Variants in MIA2 observed in about 807,000 individuals in gnomAD.
MIA2 encodes melanoma inhibitory activity protein 2.
A neutral mutation model predicts 167.8 loss-of-function variants in MIA2; 127 were observed. The ratio of observed to expected loss-of-function variants is 0.76; its 90% CI spans 0.66 to 0.88. The LOEUF (loss-of-function observed/expected upper bound fraction) is 0.88, where lower values mean the gene tolerates loss of function less well. Ranked by LOEUF, MIA2 falls within the 40% of genes least tolerant of loss-of-function variation. The pLI, the probability that MIA2 is intolerant of heterozygous loss-of-function variation, is 0.00. For missense variants in MIA2, 1,690 were observed against 1,624.7 expected (o/e 1.04, Z -0.69); for synonymous variants, 552 against 541.9 (o/e 1.02, Z -0.26).
At chr14:39,367,153 C>G (rs2074838899) in intron 23 of MIA2, among the ~76,000 whole-genome samples, 1 of 152,168 alleles carries the variant, frequency 6.6e-6, no homozygotes. Flanking sequence ...CTCCCTTTGT[C>G]CTGGGGGCAG....
intron 2 of MIA2, 60 bp from the exon 3 acceptor site, chr14:39,240,501 C>T: frequency 7.5e-7 from 1 of 1,335,452 alleles, no homozygotes; most frequent in Non-Finnish European, 1.1e-6. Flanking sequence ...AAATTAGGTT[C>T]AATAATTATT....
Position 39,335,914 on chromosome 14 carries a change from T to C in MIA2, c.3655+8892T>C, listed in dbSNP as rs1595767684. On this transcript the variant is annotated intron_variant, in intron 25 of 28. Transcript: ENST00000640607. ...GGATAATGGCTTCCAGCTGCATCCA[T>C]GTTGTTGCAAAGGACATAATTTTAT... Among the ~76,000 whole-genome samples the C allele has an allele frequency of 2.6e-5, 4 of 152,222 alleles. No homozygotes were observed. In the South Asian group the frequency reaches 8.3e-4, roughly 31 times the overall value.
chr14:39,370,632 C>G (rs1045998562), intron 23 of MIA2: 21 of 327,466 alleles, frequency 6.4e-5, no homozygotes, highest in African/African-American at 4.6e-4. Context: ...TCACCAGCGC[C>G]TCTCTGCTGC....
chr14:39,330,254 A>G (rs752214641), intron 25 of MIA2, among the ~76,000 whole-genome samples: 3 of 152,236 alleles, frequency 2.0e-5, no homozygotes, highest in Admixed American at 1.3e-4. Flanking sequence ...GTTTGTTCAC[A>G]TGGAGTTCTT....
In MIA2 at chr14:39,234,241, T is replaced by TC. The variant is rs766706292; in HGVS notation, c.115+17dup. ...CTTGGAATGTGAAGGTAAGTTTGCT[T>TC]CCCCCGCTTCTTCTCCTCCTAAATT... On this transcript the variant is annotated intron_variant, in intron 1 of 28. Transcript: ENST00000640607. 2 of 1,537,768 alleles carry TC rather than the reference T, an allele frequency of 1.3e-6. No homozygotes were observed. Among genetic ancestry groups the TC allele is most frequent in the African/African-American group, 2.8e-5 (2 of 72,710 alleles).
At chr14:39,243,376 C>T (rs999999087) in intron 3 of MIA2, among the ~76,000 whole-genome samples, 4 of 152,144 alleles carry the variant, frequency 2.6e-5, no homozygotes, top group Admixed American at 2.6e-4. Flanking sequence ...GAGACAGTTA[C>T]TATTCTAAAC....
At chr14:39,366,597 T>G (rs1329901636) in intron 23 of MIA2, among the ~76,000 whole-genome samples, 1 of 152,064 alleles carries the variant, frequency 6.6e-6, no homozygotes, top group Non-Finnish European at 1.5e-5. Flanking sequence ...CCAGCAGTGG[T>G]GGATGGGTTG....
intron 25 of MIA2, among the ~76,000 whole-genome samples, chr14:39,329,583 T>C (rs1184634868): frequency 6.6e-6 from 1 of 152,172 alleles, no homozygotes; most frequent in Admixed American, 6.6e-5. Context: ...CAGTATGATA[T>C]TGCCTGTGAG....
In MIA2 at chr14:39,293,288, G is replaced by C. The variant is rs776959976; in HGVS notation, c.2226G>C (p.Leu742=). Residue 742 remains leucine (L), a synonymous_variant, in exon 11 of 29, where the codon CTG becomes CTC. Coordinates refer to ENST00000640607, the MANE Select transcript of MIA2 (RefSeq NM_001329214.4). ...AQSLEATCEK[L]NRSNSELEDE... The stretch of plus-strand genomic sequence containing the variant: ...TCTCTTAGGCAACCTGTGAAAAGCT[G>C]AACAGGTCCAATTCTGAACTTGAGG... 1.2e-6 allele frequency: 2 copies of C among 1,611,360 alleles called. No homozygotes were observed. Among genetic ancestry groups the C allele is most frequent in the South Asian group, 2.2e-5 (2 of 90,624 alleles).
chr14:39,241,795 A>G (rs2054051484), intron 3 of MIA2, among the ~76,000 whole-genome samples: 1 of 152,226 alleles, frequency 6.6e-6, no homozygotes, highest in South Asian at 2.1e-4. Flanking sequence ...AATAAATCCC[A>G]GACTTCTTAC....
intron 23 of MIA2, among the ~76,000 whole-genome samples, chr14:39,364,529 T>A (rs2074774199): frequency 6.6e-6 from 1 of 152,142 alleles, no homozygotes; most frequent in Non-Finnish European, 1.5e-5. Context: ...TTTATACTTT[T>A]GTATTTTCAT....
chr14:39,266,503 C>T (rs2055664604), intron 6 of MIA2: 2 of 985,426 alleles, frequency 2.0e-6, no homozygotes, highest in Non-Finnish European at 2.4e-6. Flanking sequence ...GACAGCTGGG[C>T]CTAACAAGTG....
intron 9 of MIA2, 68 bp from the exon 10 acceptor site, chr14:39,290,951 G>A: frequency 7.6e-7 from 1 of 1,313,650 alleles, no homozygotes; most frequent in Non-Finnish European, 1.1e-6. Flanking sequence ...TGCTTCTTAG[G>A]CATCTATCCA....
intron 23 of MIA2, among the ~76,000 whole-genome samples, chr14:39,375,975 A>G (rs561128034): frequency 1.3e-4 from 20 of 152,292 alleles, no homozygotes; most frequent in African/African-American, 4.6e-4. Context: ...TTATTTTTAG[A>G]CAGGGCCTGG....
intron 10 of MIA2, among the ~76,000 whole-genome samples, chr14:39,292,319 G>T (rs2060841934): frequency 1.3e-5 from 2 of 152,076 alleles, no homozygotes; most frequent in Non-Finnish European, 1.5e-5. Flanking sequence ...TATTTTCAAG[G>T]TAATGAATTA....
intron 6 of MIA2, chr14:39,267,598 C>A: frequency 6.5e-7 from 1 of 1,549,802 alleles, no homozygotes; most frequent in Non-Finnish European, 8.8e-7. Context: ...AGTAGACCGG[C>A]TTTGGGGTCT....
At position 39,296,053 on chromosome 14, in the gene MIA2, C is replaced by T. The variant is rs1218773245; in HGVS notation, c.2496+1024C>T. Among the ~76,000 whole-genome samples, 4 of 151,722 alleles carry T rather than the reference C, an allele frequency of 2.6e-5. No homozygotes were observed. In the East Asian group the frequency reaches 7.7e-4, roughly 29 times the overall value. On this transcript the variant is annotated intron_variant, in intron 13 of 28. Transcript: ENST00000640607. ...TTCTTGAAGCAGTTTTTTCTTTGGC[C>T]TCCCTTGGTTTCATAAGAACTTATT... is the stretch of plus-strand genomic sequence containing the variant.
chr14:39,342,275 C>T (rs979999555), intron 25 of MIA2, among the ~76,000 whole-genome samples: 5 of 149,732 alleles, frequency 3.3e-5, no homozygotes, highest in Admixed American at 1.4e-4. Context: ...GGTTTTTTGT[C>T]CTTGCGATAG....
intron 25 of MIA2, among the ~76,000 whole-genome samples, chr14:39,332,273 G>A (rs2069089136): frequency 6.6e-6 from 1 of 152,166 alleles, no homozygotes; most frequent in African/African-American, 2.4e-5. Flanking sequence ...AAGTTCTCGT[G>A]TTGTGTTTTT....
Sources: allele counts gnomAD v4.1 joint callset (sites outside exome capture counted in the v4.1 genomes callset), GRCh38; gene constraint gnomAD v4.1.1; transcripts MANE v1.5; gene names NCBI Gene and HGNC (gene_info 2026-07-23, HGNC 2026-07-21).